PCDHGB1: variants seen among roughly 807,000 people sequenced by gnomAD.
PCDHGB1 encodes protocadherin gamma-B1.
PCDHGB1 carries 34 observed loss-of-function variants against 56.6 expected under a neutral mutation model. That is an observed-to-expected ratio of 0.60 (90% CI 0.46 to 0.80). The LOEUF is 0.80. PCDHGB1 is among the 30% of genes least tolerant of loss of function. The pLI is 0.00. For synonymous variants in PCDHGB1, 561 were observed against 505.9 expected, an observed-to-expected ratio of 1.11 and a Z score of -1.46; for missense variants, 1,278 against 1,204.6, an observed-to-expected ratio of 1.06 and a Z score of -0.90.
At chr5:141,409,067 A>G (rs2095219315) in intron 1 of PCDHGB1, 2 of 1,614,034 alleles carry the variant, frequency 1.2e-6, no homozygotes, top group South Asian at 2.2e-5. Context: ...CCAGAGCACA[A>G]AACATATGTT....
At position 141,477,019 on chromosome 5, in the gene PCDHGB1, C is replaced by T. The variant is rs148675327; in HGVS notation, c.2410-17788C>T. 1.9e-5 allele frequency: 30 copies of T among 1,614,242 alleles called. No individual in the cohort carries two copies. Among genetic ancestry groups the T allele is most frequent in the Non-Finnish European group, 2.5e-5 (30 of 1,180,048 alleles). On this transcript the variant is annotated intron_variant, in intron 1 of 3. Transcript: ENST00000523390. This position sits in a 1 kb window ranked among gnomAD's most constrained non-coding sequence, Gnocchi z 4.9. ...AACTATTCGCCTTAGACCTTGTAAC[C>T]GGGATGCTGACAATCAAGGGTCGGC...
intron 1 of PCDHGB1, chr5:141,423,302 T>G (rs1221185261): frequency 6.2e-7 from 1 of 1,614,144 alleles, no homozygotes. Context: ...GACCTCTCGC[T>G]GTACTTGGTG....
chr5:141,431,150 CCTTA>C lies in PCDHGB1; in HGVS notation c.2410-63653_2410-63650del, dbSNP rs1302288904. ...AGTAAGGGACATTAACGACAATGCG[CCTTA>C]CTTTCGTGAAAGTGAATTAGAAATA... On this transcript the variant is annotated intron_variant, in intron 1 of 3. Coordinates refer to ENST00000523390, the MANE Select transcript of PCDHGB1 (RefSeq NM_018922.3). The surrounding 1 kb of genome is among the most constrained non-coding windows in gnomAD (Gnocchi z 4.8). 3 of 1,614,226 alleles carry C rather than the reference CCTTA, an allele frequency of 1.9e-6. No individual in the cohort carries two copies. The highest frequency in any genetic ancestry group is 2.2e-5 in the East Asian group (1 of 44,876).
Position 141,491,733 on chromosome 5 carries a change from TG to T in PCDHGB1, c.2410-3069del. 6.2e-7 allele frequency: 1 copy of T among 1,602,698 alleles called. No individual in the cohort carries two copies. Among genetic ancestry groups the T allele is most frequent in the Non-Finnish European group, 8.5e-7 (1 of 1,175,258 alleles). On this transcript the variant is annotated intron_variant, in intron 1 of 3. Coordinates refer to ENST00000523390, the MANE Select transcript of PCDHGB1 (RefSeq NM_018922.3). This position sits in a 1 kb window ranked among gnomAD's most constrained non-coding sequence, Gnocchi z 6.9. ...GCTCGGCGCCGCCCCGGGCGACCCC[TG>T]GGGGCGGCACTGGAGAAGCCGCCCG...
chr5:141,404,617 G>A (rs760355068), intron 1 of PCDHGB1: 4 of 1,614,032 alleles, frequency 2.5e-6, no homozygotes, highest in Non-Finnish European at 2.5e-6. Flanking sequence ...TTTTGGACCA[G>A]AATGACAATG....
chr5:141,393,080 G>A (rs747012880), intron 1 of PCDHGB1: 1 of 1,613,694 alleles, frequency 6.2e-7, no homozygotes, highest in Non-Finnish European at 8.5e-7. Flanking sequence ...CCGCGGGCAG[G>A]ATAGATCGGG....
At position 141,356,229 on chromosome 5, in the gene PCDHGB1, C is replaced by T. The variant is rs371768602; in HGVS notation, c.2409+3560C>T. 114 of 1,593,544 alleles carry T rather than the reference C, an allele frequency of 7.2e-5. No individual in the cohort carries two copies. The African/African-American group carries it at 8.8e-4, about 12-fold the overall frequency. ...TGACAGTTCTGGATGAAAATGACAA[C>T]GCACCAGAAGTCACAGTTACATCTC... On this transcript the variant is annotated intron_variant, in intron 1 of 3. Transcript: ENST00000523390.
chr5:141,354,286 T>C (rs575279335), intron 1 of PCDHGB1, among the ~76,000 whole-genome samples: 1 of 152,360 alleles, frequency 6.6e-6, no homozygotes, highest in East Asian at 1.9e-4. Context: ...TGGTCATTCA[T>C]GAAACATTGA....
intron 1 of PCDHGB1, chr5:141,393,342 C>T (rs765924046): frequency 6.2e-7 from 1 of 1,613,944 alleles, no homozygotes; most frequent in Admixed American, 1.7e-5. Context: ...CCCCAATCAC[C>T]ACTTCTCCCT....
chr5:141,408,203 A>G (rs1299661641), intron 1 of PCDHGB1: 2 of 1,550,806 alleles, frequency 1.3e-6, no homozygotes, highest in African/African-American at 1.4e-5. Flanking sequence ...CGAGCGAACG[A>G]TGGGAGGGAG....
At chr5:141,502,866 C>CTTT (rs549047197) in intron 2 of PCDHGB1, among the ~76,000 whole-genome samples, 3 of 128,046 alleles carry the variant, frequency 2.3e-5, no homozygotes, top group African/African-American at 9.3e-5. Context: ...GACTCTCTGT[C>CTTT]TTTTTTTTTT....
intron 1 of PCDHGB1, chr5:141,394,893 G>T: frequency 4.3e-6 from 7 of 1,613,858 alleles, no homozygotes; most frequent in Non-Finnish European, 5.9e-6. Flanking sequence ...ACTCTATCTC[G>T]TGGTGGCAGT....
intron 1 of PCDHGB1, among the ~76,000 whole-genome samples, chr5:141,492,781 T>C (rs945023154): frequency 9.9e-5 from 15 of 152,194 alleles, no homozygotes; most frequent in African/African-American, 3.6e-4. Flanking sequence ...TGAGTGAGCC[T>C]CTATAGGACA....
At chr5:141,460,981 G>GTATA (rs1491204135) in intron 1 of PCDHGB1, among the ~76,000 whole-genome samples, 10 of 121,884 alleles carry the variant, frequency 8.2e-5, no homozygotes, top group African/African-American at 3.1e-4. Context: ...GTGTGTGTGT[G>GTATA]TGTATATATA....
intron 3 of PCDHGB1, chr5:141,507,089 C>T (rs564539147): frequency 2.0e-5 from 3 of 152,298 alleles, no homozygotes; most frequent in Admixed American, 1.3e-4. Context: ...TAAGTTTATG[C>T]TCTTTCTACT....
intron 1 of PCDHGB1, chr5:141,375,539 C>G (rs1771564723): frequency 1.2e-6 from 2 of 1,613,986 alleles, no homozygotes; most frequent in Non-Finnish European, 1.7e-6. Context: ...CCAGAACGCC[C>G]AAGTCTCCTA....
chr5:141,374,696 G>T (rs747520978), intron 1 of PCDHGB1: 1 of 1,609,314 alleles, frequency 6.2e-7, no homozygotes, highest in South Asian at 1.1e-5. Context: ...CCGGGAAGGA[G>T]AAGCCGTTTA....
chr5:141,356,449 G>T (rs369918010), intron 1 of PCDHGB1: 30 of 1,612,926 alleles, frequency 1.9e-5, no homozygotes, highest in Non-Finnish European at 2.3e-5. Flanking sequence ...AGAAGTCTCA[G>T]AATATAACAT....
chr5:141,426,166 G>A (rs545570121), intron 1 of PCDHGB1: 4 of 155,070 alleles, frequency 2.6e-5, no homozygotes, highest in South Asian at 2.0e-4. Context: ...GATTCCATAC[G>A]GATTGGGGTG....
Sources: allele counts gnomAD v4.1 joint callset (sites outside exome capture counted in the v4.1 genomes callset), GRCh38; gene constraint gnomAD v4.1.1; non-coding constraint Gnocchi (gnomAD v3.1); transcripts MANE v1.5; gene names NCBI Gene and HGNC (gene_info 2026-07-23, HGNC 2026-07-21).